CARTPT: variants seen among roughly 807,000 people sequenced by gnomAD.
The protein encoded by CARTPT is CART prepropeptide.
In CARTPT, 6 loss-of-function variants were observed where a neutral mutation model predicts 12.2. The ratio of observed to expected loss-of-function variants is 0.49; its 90% CI spans 0.27 to 0.97. The LOEUF is 0.97. CARTPT is among the 50% of genes least tolerant of loss of function. The pLI is 0.12. For synonymous variants in CARTPT, 75 were observed against 64.1 expected, an observed-to-expected ratio of 1.17 and a Z score of -0.82; for missense variants, 135 against 142.0, an observed-to-expected ratio of 0.95 and a Z score of 0.25.
chr5:71,719,444 A>G lies in CARTPT; in HGVS notation c.151A>G (p.Lys51Glu). ...YSAVDDASHEKELIEALQEVL... is the reference protein window; with the variant it reads ...YSAVDDASHEEELIEALQEVL... ...TGCCGTGGATGATGCCTCCCACGAG[A>G]AGGAGCTGGTCGGTATTCCCCTCGC... The change falls in exon 1 of 3, where the codon AAG becomes GAG. Residue 51 changes from lysine (K) to glutamate (E), a missense_variant. Lys to Glu is a moderately conservative substitution (Grantham distance 56). Transcript: ENST00000296777. The G allele has an allele frequency of 6.2e-7, 1 of 1,613,882 alleles. No individual in the cohort carries two copies. Among genetic ancestry groups the G allele is most frequent in the Non-Finnish European group, 8.5e-7 (1 of 1,179,978 alleles).
chr5:71,720,110 G>T (rs1580358825), intron 2 of CARTPT, 147 bp downstream of exon 2: 1 of 762,094 alleles, frequency 1.3e-6, no homozygotes, highest in East Asian at 2.5e-5. Context: ...TTCCTTCCCG[G>T]GTGAGGAAAT....
chr5:71,720,490 C>T lies in CARTPT; in HGVS notation c.244-18C>T. 6.2e-7 allele frequency: 1 copy of T among 1,603,300 alleles called. No individual in the cohort carries two copies. Among genetic ancestry groups the T allele is most frequent in the Non-Finnish European group, 8.5e-7 (1 of 1,174,486 alleles). On this transcript the variant is annotated intron_variant, in intron 2 of 2. Coordinates refer to ENST00000296777, the MANE Select transcript of CARTPT (RefSeq NM_004291.4). ...TGGGTTTGTTCATACTCGATGACCA[C>T]ACATTTTGTTGTTTCAGTGTGACGC...
chr5:71,719,562 G>A lies in CARTPT; in HGVS notation c.159+110G>A, dbSNP rs796075849. 42 of 1,360,646 alleles carry A rather than the reference G, an allele frequency of 3.1e-5. No homozygotes were observed. In the African/African-American group the frequency reaches 5.0e-4, roughly 16 times the overall value. The allele number at this position is 1,360,646 out of a possible 1,614,324, so 84.3% of individuals were successfully genotyped here. A position where few individuals can be genotyped will look rare whatever the true frequency, so the allele number is the denominator to read the frequency against. On this transcript the variant is annotated intron_variant, in intron 1 of 2. Coordinates refer to ENST00000296777, the MANE Select transcript of CARTPT (RefSeq NM_004291.4). ...TCCTATTCCCAGAGTCAGGGCGCGGGGAGCTGAGCGCAACGCCCAGGCACC... is the reference window on the plus strand; with the variant it reads ...TCCTATTCCCAGAGTCAGGGCGCGGAGAGCTGAGCGCAACGCCCAGGCACC...
At position 71,719,482 on chromosome 5, in the gene CARTPT, T is replaced by G. The variant is rs369192763; in HGVS notation, c.159+30T>G. 79 of 1,613,306 alleles carry G rather than the reference T, an allele frequency of 4.9e-5. No homozygotes were observed. The African/African-American group carries it at 9.7e-4, about 20-fold the overall frequency. On this transcript the variant is annotated intron_variant, in intron 1 of 2. Transcript: ENST00000296777. Reference sequence around the variant, plus strand: ...GTATTCCCCTCGCTCTCGACCCCCTTGAGCTGTCGCCTTGTCTCTTCTCTT... The same window carrying G: ...GTATTCCCCTCGCTCTCGACCCCCTGGAGCTGTCGCCTTGTCTCTTCTCTT...
chr5:71,720,635 CA>C lies in CARTPT; in HGVS notation c.*21del, dbSNP rs5868607. 150,583 of 1,552,968 alleles carry C rather than the reference CA, an allele frequency of 0.097. 8,136 individuals are homozygous for C. Among genetic ancestry groups the C allele is most frequent in the Admixed American group, 0.16 (9,022 of 55,638 alleles). Reference sequence around the variant, plus strand: ...TTATGAAGGGGCGTCCATTCTCCTCCATACATCCCCATCCCTCTACTTTCCC... The same window carrying C: ...TTATGAAGGGGCGTCCATTCTCCTCCTACATCCCCATCCCTCTACTTTCCC... On this transcript the variant is annotated 3_prime_UTR_variant, in exon 3 of 3. Coordinates refer to ENST00000296777, the MANE Select transcript of CARTPT (RefSeq NM_004291.4).
intron 1 of CARTPT, 97 bp downstream of exon 1, chr5:71,719,549 A>T: frequency 6.8e-7 from 1 of 1,468,300 alleles, no homozygotes; most frequent in East Asian, 2.3e-5. Flanking sequence ...CTATTCCCAG[A>T]GTCAGGGCGC....
chr5:71,719,367 C>T lies in CARTPT; in HGVS notation c.74C>T (p.Thr25Ile), dbSNP rs779279699. Residue 25 changes from threonine (T) to isoleucine (I), a missense_variant, in exon 1 of 3, where the codon ACC (threonine) becomes ATC (isoleucine). Transcript: ENST00000296777. ...ALLLMLPLLGTRAQEDAELQP... is the reference protein window; with the variant it reads ...ALLLMLPLLGIRAQEDAELQP... Reference sequence around the variant, plus strand: ...CTGCTGATGCTACCTCTGTTGGGTACCCGTGCCCAGGAGGACGCCGAGCTC... The same window carrying T: ...CTGCTGATGCTACCTCTGTTGGGTATCCGTGCCCAGGAGGACGCCGAGCTC... 3.1e-6 allele frequency: 5 copies of T among 1,614,086 alleles called. No homozygotes were observed. In the South Asian group the frequency reaches 5.5e-5, roughly 18 times the overall value.
At position 71,720,948 on chromosome 5, in the gene CARTPT, T is replaced by C; in HGVS notation, c.*333T>C. On this transcript the variant is annotated 3_prime_UTR_variant, in exon 3 of 3. Coordinates refer to ENST00000296777, the MANE Select transcript of CARTPT (RefSeq NM_004291.4). ...CAGAATGAAAATTAGATCTAGCTAA[T>C]CTCGGTAGATGTCATTACAACCTGG... 5.9e-6 allele frequency: 2 copies of C among 339,054 alleles called. No homozygotes were observed. The highest frequency in any genetic ancestry group is 5.7e-6 in the Non-Finnish European group (1 of 176,176). The allele number at this position is 339,054 out of a possible 1,614,324, so 21.0% of individuals were successfully genotyped here. A position where few individuals can be genotyped will look rare whatever the true frequency, so the allele number is the denominator to read the frequency against.
rs1171278984 is a variant in CARTPT, at chr5:71,719,438, C to T, written c.145C>T (p.His49Tyr). Residue 49 changes from histidine (H) to tyrosine (Y), a missense_variant, in exon 1 of 3, where the codon CAC becomes TAC. Transcript: ENST00000296777. Reference sequence around the variant, plus strand: ...CTACTCTGCCGTGGATGATGCCTCCCACGAGAAGGAGCTGGTCGGTATTCC... The same window carrying T: ...CTACTCTGCCGTGGATGATGCCTCCTACGAGAAGGAGCTGGTCGGTATTCC... ...DIYSAVDDAS[H>Y]EKELIEALQE... 6 of 1,614,180 alleles carry T rather than the reference C, an allele frequency of 3.7e-6. No homozygotes were observed. Among genetic ancestry groups the T allele is most frequent in the Non-Finnish European group, 5.1e-6 (6 of 1,180,030 alleles).
At chr5:71,720,022 A>G (rs1748675565) in intron 2 of CARTPT, 59 bp downstream of exon 2, 1 of 1,400,958 alleles carries the variant, frequency 7.1e-7, no homozygotes, top group Admixed American at 1.7e-5. Context: ...ACCGCCTTGA[A>G]TCGTACACAC....
At position 71,719,867 on chromosome 5, in the gene CARTPT, C is replaced by A. The variant is rs1447464628; in HGVS notation, c.160-13C>A. Reference sequence around the variant, plus strand: ...AAGGCGGCAACTTCAGGCTCCGAAGCGGTGTGTTGCAGATCGAAGCGCTGC... The same window carrying A: ...AAGGCGGCAACTTCAGGCTCCGAAGAGGTGTGTTGCAGATCGAAGCGCTGC... On this transcript the variant is annotated splice_polypyrimidine_tract_variant and intron_variant, in intron 1 of 2. Transcript: ENST00000296777. 4 of 1,613,716 alleles carry A rather than the reference C, an allele frequency of 2.5e-6. No individual in the cohort carries two copies. Among genetic ancestry groups the A allele is most frequent in the Admixed American group, 1.7e-5 (1 of 59,998 alleles).
At position 71,719,571 on chromosome 5, in the gene CARTPT, C is replaced by T. The variant is rs114374940; in HGVS notation, c.159+119C>T. ...CAGAGTCAGGGCGCGGGGAGCTGAG[C>T]GCAACGCCCAGGCACCCACTGCCAT... On this transcript the variant is annotated intron_variant, in intron 1 of 2. Transcript: ENST00000296777. The T allele has an allele frequency of 2.3e-3, 2,859 of 1,269,308 alleles. 43 individuals are homozygous for T. In the African/African-American group the frequency reaches 0.036, roughly 16 times the overall value. 78.6% of individuals were successfully genotyped at this position (1,269,308 alleles called of 1,614,324 possible).
chr5:71,719,709 T>A, intron 1 of CARTPT, 171 bp from the exon 2 acceptor site: 1 of 776,462 alleles, frequency 1.3e-6, no homozygotes. Context: ...GGTCAGTACC[T>A]GGGACAGCGT....
intron 1 of CARTPT, 157 bp downstream of exon 1, chr5:71,719,609 T>A: frequency 1.1e-6 from 1 of 907,428 alleles, no homozygotes; most frequent in Non-Finnish European, 1.7e-6. Context: ...GAAGAGCGTC[T>A]CGAGCTCACG....
chr5:71,720,385 C>T (rs1748683839), intron 2 of CARTPT, 123 bp from the exon 3 acceptor site: 1 of 802,278 alleles, frequency 1.2e-6, no homozygotes, highest in Non-Finnish European at 2.2e-6. Flanking sequence ...ACGTAGACCT[C>T]TTGTGATGGT....
At position 71,720,691 on chromosome 5, in the gene CARTPT, T is replaced by G. The variant is rs1278908796; in HGVS notation, c.*76T>G. The G allele has an allele frequency of 9.2e-6, 11 of 1,196,816 alleles. No homozygotes were observed. In the East Asian group the frequency reaches 1.0e-4, roughly 11 times the overall value. The allele number at this position is 1,196,816 out of a possible 1,614,324, so 74.1% of individuals were successfully genotyped here. A position where few individuals can be genotyped will look rare whatever the true frequency, so the allele number is the denominator to read the frequency against. On this transcript the variant is annotated 3_prime_UTR_variant, in exon 3 of 3. Transcript: ENST00000296777. ...GGACCACACCTTCCTCCCTGGAGTT[T>G]GGCTTAAGCAACAGATAAAGTTTTT...
Position 71,720,398 on chromosome 5 carries a change from T to C in CARTPT, c.244-110T>C. On this transcript the variant is annotated intron_variant, in intron 2 of 2. Transcript: ENST00000296777. ...GTACGTAGACCTCTTGTGATGGTGA[T>C]GGGGTCCAATTGCCCCTTTCAAGAG... is the stretch of plus-strand genomic sequence containing the variant. The C allele has an allele frequency of 3.5e-6, 3 of 865,964 alleles. No individual in the cohort carries two copies. The South Asian group carries it at 4.3e-5, about 12-fold the overall frequency. 53.6% of individuals were successfully genotyped at this position (865,964 alleles called of 1,614,324 possible). A position where few individuals can be genotyped will look rare whatever the true frequency, so the allele number is the denominator to read the frequency against.
intron 1 of CARTPT, 75 bp downstream of exon 1, chr5:71,719,527 C>G (rs1008801965): frequency 6.5e-7 from 1 of 1,544,596 alleles, no homozygotes; most frequent in African/African-American, 1.4e-5. Context: ...CCTCCTCCCC[C>G]CACCCCCACT....
At chr5:71,719,560 G>T (rs957169758) in intron 1 of CARTPT, 108 bp downstream of exon 1, 6 of 1,386,088 alleles carry the variant, frequency 4.3e-6, no homozygotes, top group African/African-American at 4.3e-5. Flanking sequence ...GTCAGGGCGC[G>T]GGGAGCTGAG....
Sources: allele counts gnomAD v4.1 joint callset, GRCh38; gene constraint gnomAD v4.1.1; transcripts MANE v1.5; gene names NCBI Gene and HGNC (gene_info 2026-07-23, HGNC 2026-07-21).